AHDC1: variants seen among roughly 807,000 people sequenced by gnomAD.
AHDC1 encodes the protein transcription factor Gibbin.
A neutral mutation model predicts 87.9 loss-of-function variants in AHDC1; 7 were observed. That is an observed-to-expected ratio of 0.08 (90% CI 0.05 to 0.15). The LOEUF is 0.15. AHDC1 is among the 10% of genes least tolerant of loss of function. AHDC1 has a pLI of 1.00. For missense variants in AHDC1, 1,841 were observed against 2,253.2 expected, an observed-to-expected ratio of 0.82 and a Z score of 3.70; for synonymous variants, 1,051 against 1,006.8, an observed-to-expected ratio of 1.04 and a Z score of -0.83.
chr1:27,539,138 CTTTTTTTT>C (rs112072152), intron 8 of AHDC1, among the ~76,000 whole-genome samples: 1 of 125,374 alleles, frequency 8.0e-6, no homozygotes, highest in Non-Finnish European at 1.7e-5. Context: ...TTTTTCTTTT[CTTTTTTTT>C]TTTTTTTTTT....
chr1:27,543,259 CCT>C (rs1396465416), intron 8 of AHDC1, among the ~76,000 whole-genome samples: 9 of 152,354 alleles, frequency 5.9e-5, no homozygotes, highest in Middle Eastern at 6.8e-3. Flanking sequence ...CCCTCCCACC[CCT>C]GTCCCCAGGG....
At position 27,551,928 on chromosome 1, in the gene AHDC1, G is replaced by C. The variant is rs765950007; in HGVS notation, c.188C>G (p.Pro63Arg). Reference protein sequence around the residue: ...STHAFSENPRPPPRRDPSTRR... With the variant: ...STHAFSENPRRPPRRDPSTRR... Reference sequence around the variant, plus strand: ...GGTGCTGGGGTCCCGGCGTGGGGGTGGGCGTGGGTTCTCGGAGAAGGCGTG... The same window carrying C: ...GGTGCTGGGGTCCCGGCGTGGGGGTCGGCGTGGGTTCTCGGAGAAGGCGTG... Residue 63 changes from proline (P) to arginine (R), a missense_variant, in exon 8 of 9, where the codon CCA becomes CGA. By Grantham distance (103) the Pro-to-Arg change is moderately radical. Coordinates refer to ENST00000673934, the MANE Select transcript of AHDC1 (RefSeq NM_001371928.1). 1.3e-6 allele frequency: 2 copies of C among 1,572,716 alleles called. No individual in the cohort carries two copies. The highest frequency in any genetic ancestry group is 1.7e-6 in the Non-Finnish European group (2 of 1,158,474).
chr1:27,573,822 G>A (rs915594755), intron 3 of AHDC1, among the ~76,000 whole-genome samples: 2 of 152,240 alleles, frequency 1.3e-5, no homozygotes, highest in African/African-American at 4.8e-5. Context: ...CTGCCAGGTA[G>A]TTTTTATTTC....
intron 8 of AHDC1, among the ~76,000 whole-genome samples, chr1:27,541,738 T>C (rs1476600596): frequency 1.3e-5 from 2 of 151,980 alleles, no homozygotes; most frequent in East Asian, 1.9e-4. Context: ...CAAGCAGTTC[T>C]CCTGCCTCAG....
rs989559798 is a variant in AHDC1 at position 27,590,627 on chromosome 1, C to A, written c.-629+12770G>T. On this transcript the variant is annotated intron_variant, in intron 3 of 8. Coordinates refer to ENST00000673934, the MANE Select transcript of AHDC1 (RefSeq NM_001371928.1). This position sits in a 1 kb window ranked among gnomAD's most constrained non-coding sequence, Gnocchi z 5.4. ...GCTGTGTGTCCTGCATCTGTTAAAT[C>A]CCTCTTGGTCTTAGCTCTCCTTCCT... Among the ~76,000 whole-genome samples the A allele has an allele frequency of 4.6e-5, 7 of 152,122 alleles. No homozygotes were observed. Among genetic ancestry groups the A allele is most frequent in the African/African-American group, 1.7e-4 (7 of 41,412 alleles).
At chr1:27,600,727 C>T (rs1015573540) in intron 3 of AHDC1, among the ~76,000 whole-genome samples, 8 of 152,204 alleles carry the variant, frequency 5.3e-5, no homozygotes, top group Admixed American at 1.3e-4. Flanking sequence ...TCCAGCACAA[C>T]CACAGCAATC....
Position 27,560,066 on chromosome 1 carries a change from C to T in AHDC1, c.-628-1183G>A, listed in dbSNP as rs201943076. On this transcript the variant is annotated intron_variant, in intron 3 of 8. Transcript: ENST00000673934. This position sits in a 1 kb window ranked among gnomAD's most constrained non-coding sequence, Gnocchi z 4.1. ...AAGCGTGTCCATGTGTGGGATCACG[C>T]GTTTGCTCAGTTGTGGCTGCTGTGG... is the stretch of plus-strand genomic sequence containing the variant. Among the ~76,000 whole-genome samples, 3 of 152,234 alleles carry T rather than the reference C, an allele frequency of 2.0e-5. No individual in the cohort carries two copies. The highest frequency in any genetic ancestry group is 2.1e-4 in the South Asian group (1 of 4,822).
At position 27,548,042 on chromosome 1, in the gene AHDC1, G is replaced by C; in HGVS notation, c.4074C>G (p.Thr1358=). 1.2e-6 allele frequency: 2 copies of C among 1,612,540 alleles called. No individual in the cohort carries two copies. The highest frequency in any genetic ancestry group is 1.7e-6 in the Non-Finnish European group (2 of 1,178,882). The part of the protein sequence containing the change: ...SMNPSTPSDG[T]FGQGFHCDSP... ...AGTCGCAGTGGAAGCCTTGGCCAAA[G>C]GTGCCATCGGAAGGCGTGGACGGGT... Residue 1358 remains threonine (T), a synonymous_variant, in exon 8 of 9, where the codon ACC becomes ACG. Transcript: ENST00000673934.
chr1:27,569,692 G>C (rs1175461212), intron 3 of AHDC1, among the ~76,000 whole-genome samples: 1 of 152,008 alleles, frequency 6.6e-6, no homozygotes, highest in Non-Finnish European at 1.5e-5. Context: ...GTGACAGCAG[G>C]GCCAGAACAG....
In AHDC1 at chr1:27,551,791, G is replaced by T. The variant is rs1449226172; in HGVS notation, c.325C>A (p.Arg109Ser). The stretch of plus-strand genomic sequence containing the variant: ...TTCACCCGCCCGTTGTCCCAGCAGC[G>T]TCGGGAGCTGCTGCCGTCTCCGACC... ...TPVGDGSSSR[R>S]CWDNGRVNLR... Residue 109 changes from arginine to serine, a missense_variant, in exon 8 of 9, where the codon CGC becomes AGC. By Grantham distance (110) the Arg-to-Ser change is moderately radical. Around this residue, in one of 13 missense-constraint regions of AHDC1, gnomAD observed 142 missense variants for 165.6 expected, o/e 0.86. Coordinates refer to ENST00000673934, the MANE Select transcript of AHDC1 (RefSeq NM_001371928.1). 4 of 1,613,132 alleles carry T rather than the reference G, an allele frequency of 2.5e-6. No homozygotes were observed. Among genetic ancestry groups the T allele is most frequent in the African/African-American group, 1.3e-5 (1 of 74,956 alleles).
rs766220211 is a variant in AHDC1 at position 27,547,549 on chromosome 1, G to C, written c.4567C>G (p.Arg1523Gly). The change falls in exon 8 of 9, where the codon CGG becomes GGG. Residue 1523 changes from arginine (R) to glycine (G), a missense_variant. Around this residue, in one of 13 missense-constraint regions of AHDC1, gnomAD observed 505 missense variants for 626.2 expected, o/e 0.81. Coordinates refer to ENST00000673934, the MANE Select transcript of AHDC1 (RefSeq NM_001371928.1). This position sits in a 1 kb window ranked among gnomAD's most constrained non-coding sequence, Gnocchi z 4.9. ...GGGCCACGGGGTGGGCCAGGGGGCCGGGCCATTTCCAGTGGCTCCTTGTCG... is the reference window on the plus strand; with the variant it reads ...GGGCCACGGGGTGGGCCAGGGGGCCCGGCCATTTCCAGTGGCTCCTTGTCG... ...KADKEPLEMA[R>G]PPGPPRGPAA... The C allele has an allele frequency of 1.2e-6, 2 of 1,611,064 alleles. No homozygotes were observed. Among genetic ancestry groups the C allele is most frequent in the South Asian group, 1.1e-5 (1 of 90,906 alleles).
rs539447084 is a variant in AHDC1, at chr1:27,547,429, C to T, written c.4687G>A (p.Ala1563Thr). 1.5e-5 allele frequency: 23 copies of T among 1,583,866 alleles called. No homozygotes were observed. The highest frequency in any genetic ancestry group is 2.7e-5 in the African/African-American group (2 of 74,578). ...GGCATAAAGCCTGGGTACCTGTAGG[C>T]GGTGTCCTGCAGGGGCAGCAGCGAG... ...RDSLLPLQDT[A>T]YRYPGFMPQA... The change falls in exon 8 of 9, where the codon GCC becomes ACC. Residue 1563 changes from alanine to threonine, a missense_variant. Around this residue, in one of 13 missense-constraint regions of AHDC1, gnomAD observed 505 missense variants for 626.2 expected, o/e 0.81. Coordinates refer to ENST00000673934, the MANE Select transcript of AHDC1 (RefSeq NM_001371928.1). The surrounding 1 kb of genome is among the most constrained non-coding windows in gnomAD (Gnocchi z 4.9).
rs138012132 is a variant in AHDC1 at position 27,534,437 on chromosome 1, C to T, written c.*523G>A. 6.6e-6 allele frequency: 1 copy of T among 151,816 alleles called. No homozygotes were observed. Among genetic ancestry groups the T allele is most frequent in the Non-Finnish European group, 1.5e-5 (1 of 67,952 alleles). 9.4% of individuals were successfully genotyped at this position (151,816 alleles called of 1,614,324 possible). On this transcript the variant is annotated 3_prime_UTR_variant, in exon 9 of 9. Transcript: ENST00000673934. ...GCAAGAGGTTCTTCTCCCTCCCCCC[C>T]ACCATGCGAATTTGCACACCACGGG...
intron 5 of AHDC1, among the ~76,000 whole-genome samples, chr1:27,555,971 A>G (rs757136777): frequency 2.9e-4 from 44 of 151,934 alleles, no homozygotes; most frequent in Non-Finnish European, 4.9e-4. Flanking sequence ...CCCGGCGGCC[A>G]TTCTCTTGGA....
chr1:27,548,389 C>G lies in AHDC1; in HGVS notation c.3727G>C (p.Glu1243Gln). 1.9e-6 allele frequency: 3 copies of G among 1,607,952 alleles called. No individual in the cohort carries two copies. Among genetic ancestry groups the G allele is most frequent in the South Asian group, 1.1e-5 (1 of 90,938 alleles). Residue 1243 changes from glutamate to glutamine, a missense_variant, in exon 8 of 9, where the codon GAG becomes CAG. Transcript: ENST00000673934. ...GTCGGGAAGCCCAGATGTGAGGCCT[C>G]GAACAGGTCCACCTTCTTCCGCCGT... is the stretch of plus-strand genomic sequence containing the variant. ...RGRRKKVDLFEASHLGFPTSA... is the reference protein window; with the variant it reads ...RGRRKKVDLFQASHLGFPTSA...
Position 27,561,352 on chromosome 1 carries a change from GA to G in AHDC1, c.-628-2470del, listed in dbSNP as rs370845401. Among the ~76,000 whole-genome samples the G allele has an allele frequency of 0.015, 2,318 of 152,094 alleles. 21 individuals carry two copies. Among genetic ancestry groups the G allele is most frequent in the Middle Eastern group, 0.027 (8 of 294 alleles). The stretch of plus-strand genomic sequence containing the variant: ...CTGCCTGGCCCTGAGTGTTGGGGGG[GA>G]ACTTCAGGAGCAAAGCTGCCCTTAG... On this transcript the variant is annotated intron_variant, in intron 3 of 8. Transcript: ENST00000673934. The surrounding 1 kb of genome is among the most constrained non-coding windows in gnomAD (Gnocchi z 4.2).
At chr1:27,596,073 G>A (rs1220339839) in intron 3 of AHDC1, among the ~76,000 whole-genome samples, 1 of 152,002 alleles carries the variant, frequency 6.6e-6, no homozygotes, top group Non-Finnish European at 1.5e-5. Flanking sequence ...TGTGTGTTAG[G>A]GGGGATGCCC....
intron 3 of AHDC1, among the ~76,000 whole-genome samples, chr1:27,582,254 A>G (rs987797151): frequency 6.6e-6 from 1 of 152,228 alleles, no homozygotes; most frequent in African/African-American, 2.4e-5. Flanking sequence ...CACTGTCCTC[A>G]AAGTCATGAC....
chr1:27,580,312 G>C (rs2088869360), intron 3 of AHDC1, among the ~76,000 whole-genome samples: 2 of 152,184 alleles, frequency 1.3e-5, no homozygotes, highest in East Asian at 3.8e-4. Flanking sequence ...CAGATACCAA[G>C]CCCTCTGGAA....
Sources: allele counts gnomAD v4.1 joint callset (sites outside exome capture counted in the v4.1 genomes callset), GRCh38; gene constraint gnomAD v4.1.1; regional missense constraint gnomAD v4.1.1; non-coding constraint Gnocchi (gnomAD v3.1); transcripts MANE v1.5; gene names NCBI Gene and HGNC (gene_info 2026-07-23, HGNC 2026-07-21).